The following PATJ variants were observed in gnomAD, a reference collection of about 807,000 sequenced individuals.
PATJ encodes inaD-like protein.
Under a neutral mutation model 224.9 loss-of-function variants are expected in PATJ, and 190 were observed. The observed-to-expected ratio is 0.84, with a 90% CI of 0.75 to 0.95. The LOEUF is 0.95. Ranked by LOEUF, PATJ falls within the 40% of genes least tolerant of loss-of-function variation. The pLI, the probability that PATJ is intolerant of heterozygous loss-of-function variation, is 0.00. For synonymous variants in PATJ, 769 were observed against 820.3 expected, an observed-to-expected ratio of 0.94 and a Z score of 1.07; for missense variants, 2,121 against 2,270.3, an observed-to-expected ratio of 0.93 and a Z score of 1.34.
At chr1:61,752,075 T>A (rs1645363424) in intron 1 of PATJ, among the ~76,000 whole-genome samples, 1 of 148,446 alleles carries the variant, frequency 6.7e-6, no homozygotes, top group Non-Finnish European at 1.5e-5. Flanking sequence ...GAGGCAGAGG[T>A]TGTGGTGAGC....
intron 27 of PATJ, among the ~76,000 whole-genome samples, chr1:61,979,194 A>G (rs1173658912): frequency 1.3e-5 from 2 of 152,076 alleles, no homozygotes; most frequent in Non-Finnish European, 2.9e-5. Flanking sequence ...CAAAAGAAGT[A>G]GTTTACTTAT....
At chr1:61,887,738 C>T (rs1021405304) in intron 22 of PATJ, among the ~76,000 whole-genome samples, 26 of 151,716 alleles carry the variant, frequency 1.7e-4, no homozygotes, top group African/African-American at 4.8e-5. Context: ...TGGGGTGCGG[C>T]GTGACAAAGG....
chr1:62,158,578 A>G (rs373056355), intron 43 of PATJ, among the ~76,000 whole-genome samples: 21 of 148,360 alleles, frequency 1.4e-4, no homozygotes, highest in East Asian at 1.4e-3. Context: ...AAAATTAGCC[A>G]GGCGTGGTGG....
intron 30 of PATJ, chr1:62,038,765 G>T: frequency 2.2e-6 from 1 of 451,674 alleles, no homozygotes; most frequent in Non-Finnish European, 4.1e-6. Context: ...TAATAAAAAT[G>T]TGATTGTGCA....
chr1:61,806,402 G>A (rs1455462309), intron 13 of PATJ, among the ~76,000 whole-genome samples: 2 of 151,890 alleles, frequency 1.3e-5, no homozygotes, highest in Admixed American at 6.6e-5. Flanking sequence ...GGCGGATCAC[G>A]AGGTCAGGAG....
At chr1:61,980,437 T>TTGTG (rs148389720) in intron 27 of PATJ, among the ~76,000 whole-genome samples, 7,146 of 129,618 alleles carry the variant, frequency 0.055, 229 homozygotes, top group African/African-American at 0.084. Flanking sequence ...CTTATATAAT[T>TTGTG]TGTGTGTGTG....
At chr1:62,145,341 T>C (rs1355252129) in intron 41 of PATJ, among the ~76,000 whole-genome samples, 2 of 152,186 alleles carry the variant, frequency 1.3e-5, no homozygotes, top group African/African-American at 4.8e-5. Flanking sequence ...GTAAGATGTA[T>C]GCAGTTCATT....
At chr1:61,792,969 A>G (rs1462046402) in intron 9 of PATJ, among the ~76,000 whole-genome samples, 1 of 152,170 alleles carries the variant, frequency 6.6e-6, no homozygotes, top group East Asian at 1.9e-4. Context: ...TATTCATTGG[A>G]CTTTTGAGCA....
At chr1:61,955,361 G>C (rs576871219) in intron 27 of PATJ, among the ~76,000 whole-genome samples, 1 of 152,068 alleles carries the variant, frequency 6.6e-6, no homozygotes, top group African/African-American at 2.4e-5. Context: ...AGATATATAG[G>C]TGCAGAGACA....
chr1:61,951,653 C>A (rs533913720), intron 27 of PATJ, among the ~76,000 whole-genome samples: 2 of 151,808 alleles, frequency 1.3e-5, no homozygotes, highest in South Asian at 4.2e-4. Context: ...TATATTTTTC[C>A]CCCCTGAAAG....
At chr1:62,059,263 G>C (rs1484261224) in intron 31 of PATJ, among the ~76,000 whole-genome samples, 1 of 152,144 alleles carries the variant, frequency 6.6e-6, no homozygotes, top group Non-Finnish European at 1.5e-5. Flanking sequence ...CTTTGAAATG[G>C]TTTTCAACAG....
chr1:61,871,070 G>GTTTTT (rs1247341544), intron 20 of PATJ, among the ~76,000 whole-genome samples: 16 of 78,108 alleles, frequency 2.0e-4, no homozygotes, highest in Non-Finnish European at 3.8e-4. Flanking sequence ...TTTGGTTTTT[G>GTTTTT]TTTTTTTTGT....
intron 33 of PATJ, among the ~76,000 whole-genome samples, chr1:62,090,922 G>C (rs561482633): frequency 6.6e-6 from 1 of 152,300 alleles, no homozygotes; most frequent in East Asian, 1.9e-4. Flanking sequence ...TAGCTCTCCA[G>C]ACTCACTCAC....
At chr1:62,028,964 A>AATAC (rs66669120) in intron 29 of PATJ, among the ~76,000 whole-genome samples, 3,235 of 147,630 alleles carry the variant, frequency 0.022, 106 homozygotes, top group African/African-American at 0.074. Context: ...CCTGTCTCAA[A>AATAC]ATACATACAT....
chr1:62,079,599 A>G (rs1658921105), intron 32 of PATJ, 32 bp downstream of exon 32: 1 of 1,405,204 alleles, frequency 7.1e-7, no homozygotes, highest in Admixed American at 1.7e-5. Context: ...GATCTGGCTC[A>G]TTAAGCCTTA....
Position 61,762,845 on chromosome 1 carries a change from ATTTT to A in PATJ, c.-35-10_-35-7del. 1 of 1,267,908 alleles carries A rather than the reference ATTTT, an allele frequency of 7.9e-7. No homozygotes were observed. Among genetic ancestry groups the A allele is most frequent in the Non-Finnish European group, 1.1e-6 (1 of 906,820 alleles). The allele number at this position is 1,267,908 out of a possible 1,614,324, so 78.5% of individuals were successfully genotyped here. ...TGAAATTCATCTTTTATATTGTTAA[ATTTT>A]TTCTTTAGGTGTCTTTAAGAGTGAT... On this transcript the variant is annotated splice_polypyrimidine_tract_variant and intron_variant, in intron 1 of 43. Transcript: ENST00000642238.
chr1:62,116,219 A>G (rs189315341), intron 35 of PATJ, among the ~76,000 whole-genome samples: 2 of 152,336 alleles, frequency 1.3e-5, no homozygotes, highest in Admixed American at 1.3e-4. Context: ...CCAGGACTTT[A>G]TCTTAAAGAT....
intron 6 of PATJ, among the ~76,000 whole-genome samples, chr1:61,772,141 T>G (rs987581114): frequency 3.5e-5 from 5 of 143,192 alleles, no homozygotes; most frequent in Non-Finnish European, 7.6e-5. Flanking sequence ...CAATGTCCTG[T>G]GGGTCCCTTT....
chr1:62,144,709 G>A (rs951427968), intron 41 of PATJ, among the ~76,000 whole-genome samples: 3 of 146,614 alleles, frequency 2.0e-5, no homozygotes, highest in Non-Finnish European at 3.0e-5. Flanking sequence ...CCTGAGTCCT[G>A]TTGTGGACTC....
Sources: allele counts gnomAD v4.1 joint callset (sites outside exome capture counted in the v4.1 genomes callset), GRCh38; gene constraint gnomAD v4.1.1; transcripts MANE v1.5; gene names NCBI Gene and HGNC (gene_info 2026-07-23, HGNC 2026-07-21).